The following ABI3BP variants were observed in gnomAD, a reference collection of about 807,000 sequenced individuals.
The protein encoded by ABI3BP is ABI family member 3 binding protein, also known as target of Nesh-SH3.
Under a neutral mutation model 268.6 loss-of-function variants are expected in ABI3BP, and 216 were observed. That is an observed-to-expected ratio of 0.80 (90% CI 0.72 to 0.90). The LOEUF (loss-of-function observed/expected upper bound fraction) is 0.90, where lower values mean the gene tolerates loss of function less well. ABI3BP is among the 40% of genes least tolerant of loss of function. The probability of loss-of-function intolerance (pLI) is 0.00; values close to 1 mark genes in which losing one functional copy is unlikely to be tolerated. For missense variants in ABI3BP, 2,090 were observed against 2,182.4 expected (o/e 0.96, Z 0.84); for synonymous variants, 730 against 730.0 (o/e 1.00, Z 0.00).
At chr3:100,912,059 T>C (rs765693684) in intron 2 of ABI3BP, 11 of 731,106 alleles carry the variant, frequency 1.5e-5, no homozygotes, top group Non-Finnish European at 2.8e-5. Flanking sequence ...GTAATGCTAT[T>C]CTTGCCTTCA....
chr3:100,974,590 G>A (rs750001018), intron 1 of ABI3BP, among the ~76,000 whole-genome samples: 1 of 152,148 alleles, frequency 6.6e-6, no homozygotes, highest in Non-Finnish European at 1.5e-5. Context: ...CAGAAACTGG[G>A]GGTAGGGGAA....
rs143125636 is a variant in ABI3BP at position 100,820,804 on chromosome 3, T to A, written c.2947+250A>T. On this transcript the variant is annotated intron_variant, in intron 39 of 67. Transcript: ENST00000471714. ...AAAATTGGTTAAAAAACACACTGGATGACAAAATAATTTCAGATGGTTACA... is the reference window on the plus strand; with the variant it reads ...AAAATTGGTTAAAAAACACACTGGAAGACAAAATAATTTCAGATGGTTACA... 4.5e-3 allele frequency among the ~76,000 whole-genome samples: 691 copies of A among 152,308 alleles called. 2 individuals are homozygous for A. Among genetic ancestry groups the A allele is most frequent in the African/African-American group, 0.015 (604 of 41,576 alleles).
chr3:100,816,603 A>G, intron 43 of ABI3BP, 85 bp downstream of exon 43: 1 of 1,063,360 alleles, frequency 9.4e-7, no homozygotes, highest in Non-Finnish European at 1.4e-6. Flanking sequence ...ACTTCCCGTC[A>G]TAGGCATTTC....
At chr3:100,798,888 A>G (rs2097437113) in intron 51 of ABI3BP, among the ~76,000 whole-genome samples, 2 of 152,088 alleles carry the variant, frequency 1.3e-5, no homozygotes, top group African/African-American at 4.8e-5. Flanking sequence ...TATACTCTCT[A>G]TTCCTTTATT....
Position 100,830,106 on chromosome 3 carries a change from CATACATATATATATATATATATATAT to C in ABI3BP, c.2458+446_2459-443del, listed in dbSNP as rs1229636785. On this transcript the variant is annotated intron_variant, in intron 32 of 67. Transcript: ENST00000471714. ...CTATATACATATACATACATACATA[CATACATATATATATATATATATATAT>C]ATATATATATATATATATATATATA... Among the ~76,000 whole-genome samples, 139 of 77,040 alleles carry C rather than the reference CATACATATATATATATATATATATAT, an allele frequency of 1.8e-3. 4 individuals are homozygous for C. Among genetic ancestry groups the C allele is most frequent in the African/African-American group, 9.0e-3 (130 of 14,496 alleles). 50.5% of individuals were successfully genotyped at this position (77,040 alleles called of 152,430 possible).
chr3:100,801,423 G>A (rs1287098806), intron 51 of ABI3BP, among the ~76,000 whole-genome samples: 2 of 50,268 alleles, frequency 4.0e-5, no homozygotes, highest in Non-Finnish European at 6.9e-5. Flanking sequence ...GTGATATCCT[G>A]TCAAAAAAAA....
At chr3:100,898,334 C>T (rs962317050) in intron 4 of ABI3BP, among the ~76,000 whole-genome samples, 1 of 152,186 alleles carries the variant, frequency 6.6e-6, no homozygotes, top group African/African-American at 2.4e-5. Flanking sequence ...TACCTTTTGA[C>T]AAGTTCAAGA....
chr3:100,802,320 C>T (rs1397557804), intron 51 of ABI3BP, among the ~76,000 whole-genome samples: 1 of 152,152 alleles, frequency 6.6e-6, no homozygotes, highest in Admixed American at 6.6e-5. Context: ...ATCCCAATGC[C>T]TGGGGGTCAG....
intron 43 of ABI3BP, 151 bp downstream of exon 43, chr3:100,816,537 G>T (rs919260508): frequency 4.1e-6 from 3 of 739,816 alleles, no homozygotes; most frequent in African/African-American, 1.7e-5. Flanking sequence ...CTCTGTACGA[G>T]AAGCAGTTGC....
intron 14 of ABI3BP, among the ~76,000 whole-genome samples, chr3:100,857,139 A>G (rs1177485748): frequency 6.6e-6 from 1 of 150,482 alleles, no homozygotes; most frequent in East Asian, 1.9e-4. Flanking sequence ...ATTTGGTATG[A>G]TTGTATACAT....
chr3:100,916,454 C>A (rs1440135022), intron 2 of ABI3BP, among the ~76,000 whole-genome samples: 1 of 152,136 alleles, frequency 6.6e-6, no homozygotes, highest in Non-Finnish European at 1.5e-5. Context: ...CGGAGAAAAG[C>A]ACGTTGGCAT....
At chr3:100,772,971 G>A (rs1377402774) in intron 61 of ABI3BP, among the ~76,000 whole-genome samples, 1 of 151,556 alleles carries the variant, frequency 6.6e-6, no homozygotes, top group Non-Finnish European at 1.5e-5. Flanking sequence ...CAGCTGCTTG[G>A]GGAGGCTGAG....
At position 100,811,219 on chromosome 3, in the gene ABI3BP, G is replaced by A. The variant is rs527379306; in HGVS notation, c.3541+11C>T. 70 of 1,532,600 alleles carry A rather than the reference G, an allele frequency of 4.6e-5. No homozygotes were observed. The highest frequency in any genetic ancestry group is 3.7e-4 in the East Asian group (15 of 40,838). 94.9% of individuals were successfully genotyped at this position (1,532,600 alleles called of 1,614,324 possible). On this transcript the variant is annotated intron_variant, in intron 48 of 67. Transcript: ENST00000471714. ...AGAGAGCACCCAGGGTTGGGCTACC[G>A]AGGTTATTACCTAGTGTGGTCTCAG...
intron 61 of ABI3BP, among the ~76,000 whole-genome samples, chr3:100,772,340 A>C (rs1036192958): frequency 7.2e-5 from 11 of 152,240 alleles, no homozygotes; most frequent in Non-Finnish European, 1.5e-5. Flanking sequence ...TAGGTAACAT[A>C]CACAATGTTT....
At chr3:100,974,119 T>A (rs74817256) in intron 1 of ABI3BP, among the ~76,000 whole-genome samples, 2,614 of 152,220 alleles carry the variant, frequency 0.017, 50 homozygotes, top group Middle Eastern at 0.061. Flanking sequence ...AATATCAAGT[T>A]CTGGCAAGGA....
chr3:100,935,968 T>C (rs2065946085), intron 1 of ABI3BP, among the ~76,000 whole-genome samples: 1 of 152,208 alleles, frequency 6.6e-6, no homozygotes, highest in Non-Finnish European at 1.5e-5. Flanking sequence ...GTACCCTTTA[T>C]TTCTTTCTCT....
At chr3:100,889,726 G>C (rs2043637666) in intron 4 of ABI3BP, among the ~76,000 whole-genome samples, 1 of 152,124 alleles carries the variant, frequency 6.6e-6, no homozygotes, top group African/African-American at 2.4e-5. Context: ...GTAGCATTTG[G>C]TTCAACTGGC....
At chr3:100,874,187 T>C (rs2099137743) in intron 9 of ABI3BP, among the ~76,000 whole-genome samples, 1 of 151,890 alleles carries the variant, frequency 6.6e-6, no homozygotes, top group Non-Finnish European at 1.5e-5. Context: ...GGGAGGTGGG[T>C]TGGTGGTGGG....
At chr3:100,948,091 G>A (rs1426815842) in intron 1 of ABI3BP, among the ~76,000 whole-genome samples, 1 of 152,180 alleles carries the variant, frequency 6.6e-6, no homozygotes, top group Non-Finnish European at 1.5e-5. Context: ...AACAAAGACA[G>A]TCTGGTGGGA....
Sources: allele counts gnomAD v4.1 joint callset (sites outside exome capture counted in the v4.1 genomes callset), GRCh38; gene constraint gnomAD v4.1.1; transcripts MANE v1.5; gene names NCBI Gene and HGNC (gene_info 2026-07-23, HGNC 2026-07-21).